The following LRRC61 variants were observed in gnomAD, a reference collection of about 807,000 sequenced individuals.
The protein encoded by LRRC61 is leucine-rich repeat-containing protein 61.
A neutral mutation model predicts 15.1 loss-of-function variants in LRRC61; 9 were observed. The observed-to-expected ratio is 0.60, with a 90% CI of 0.36 to 1.04. The LOEUF is 1.04. Among genes scored for constraint, LRRC61 ranks in the 50% least tolerant of loss-of-function variants. LRRC61 has a pLI of 0.01. For missense variants in LRRC61, 344 were observed against 335.6 expected, an observed-to-expected ratio of 1.03 and a Z score of -0.20; for synonymous variants, 173 against 158.6, an observed-to-expected ratio of 1.09 and a Z score of -0.68.
chr7:150,317,231 G>A, the LRRC61 span, among the ~76,000 whole-genome samples: 3 of 151,958 alleles, frequency 2.0e-5, no homozygotes, highest in South Asian at 6.2e-4. Flanking sequence ...TGTATTTTTA[G>A]TAGAGACAGG....
the LRRC61 span, among the ~76,000 whole-genome samples, chr7:150,315,683 T>C: frequency 6.6e-6 from 1 of 152,182 alleles, no homozygotes; most frequent in African/African-American, 2.4e-5. Flanking sequence ...TTCCCCTCCC[T>C]GGGTCATTGT....
chr7:150,332,853 T>TG (rs979395462), intron 2 of LRRC61: 3 of 153,840 alleles, frequency 2.0e-5, no homozygotes, highest in Admixed American at 6.6e-5. Flanking sequence ...CGGATTTGTC[T>TG]GGGGGAGGGG....
Position 150,333,784 on chromosome 7 carries a change from TTG to T in LRRC61, c.-144-2930_-144-2929del. On this transcript the variant is annotated intron_variant, in intron 2 of 2. Coordinates refer to ENST00000359623, the MANE Select transcript of LRRC61 (RefSeq NM_001142928.2). The surrounding 1 kb of genome is among the most constrained non-coding windows in gnomAD (Gnocchi z 4.3). ...GTGGACGTGCGGGAAGCCATCCTCC[TTG>T]TGTCTGCGGGCAGCCTGATGGTTAG... Among the ~76,000 whole-genome samples the T allele has an allele frequency of 6.6e-6, 1 of 152,308 alleles. No homozygotes were observed. Among genetic ancestry groups the T allele is most frequent in the Non-Finnish European group, 1.5e-5 (1 of 68,028 alleles).
At chr7:150,321,965 A>G (rs1213677361), upstream of LRRC61, among the ~76,000 whole-genome samples, 1 of 152,190 alleles carries the variant, frequency 6.6e-6, no homozygotes, top group African/African-American at 2.4e-5. Context: ...AATATGTCCA[A>G]CTGAGGAGGT....
At position 150,338,033 on chromosome 7, in the gene LRRC61, G is replaced by A. The variant is rs1039415035; in HGVS notation, c.*392G>A. The A allele has an allele frequency of 2.4e-6, 1 of 420,316 alleles. No homozygotes were observed. Among genetic ancestry groups the A allele is most frequent in the Non-Finnish European group, 4.6e-6 (1 of 218,446 alleles). 26.0% of individuals were successfully genotyped at this position (420,316 alleles called of 1,614,324 possible). On this transcript the variant is annotated 3_prime_UTR_variant, in exon 3 of 3. Coordinates refer to ENST00000359623, the MANE Select transcript of LRRC61 (RefSeq NM_001142928.2). ...TGAGTGGCCCAGAGCACTCCTGGAA[G>A]TGGGACTCCCCTGCCTTGCAAATGT...
Position 150,330,867 on chromosome 7 carries a change from A to G in LRRC61, c.-145+4857A>G, listed in dbSNP as rs142223774. The G allele has an allele frequency of 9.6e-4, 1,553 of 1,609,908 alleles. 16 individuals are homozygous for G. The African/African-American group carries it at 0.018, about 18-fold the overall frequency. ...CCAGGGGGAGCCTCTGCAGAGCAGCAGCCACTCTGGGGCCTTCCTGCTGGC... is the reference window on the plus strand; with the variant it reads ...CCAGGGGGAGCCTCTGCAGAGCAGCGGCCACTCTGGGGCCTTCCTGCTGGC... On this transcript the variant is annotated intron_variant, in intron 2 of 2. Coordinates refer to ENST00000359623, the MANE Select transcript of LRRC61 (RefSeq NM_001142928.2). The surrounding 1 kb of genome is among the most constrained non-coding windows in gnomAD (Gnocchi z 4.6).
intron 2 of LRRC61, chr7:150,331,018 C>A: frequency 6.2e-7 from 1 of 1,611,658 alleles, no homozygotes; most frequent in African/African-American, 1.3e-5. Context: ...GAGAATGAGA[C>A]CGTTGGAGCC....
chr7:150,309,880 G>C, the LRRC61 span, among the ~76,000 whole-genome samples: 9 of 152,072 alleles, frequency 5.9e-5, no homozygotes, highest in Non-Finnish European at 1.0e-4. Context: ...GCCGAGCTTC[G>C]GGTAACTTTT....
Position 150,330,614 on chromosome 7 carries a change from G to A in LRRC61, c.-145+4604G>A. ...TCAACAAGCTCTTCTACCGCGAGGAGTTTGTGCTGGCCACCTTGCTGGACC... is the reference window on the plus strand; with the variant it reads ...TCAACAAGCTCTTCTACCGCGAGGAATTTGTGCTGGCCACCTTGCTGGACC... On this transcript the variant is annotated intron_variant, in intron 2 of 2. Coordinates refer to ENST00000359623, the MANE Select transcript of LRRC61 (RefSeq NM_001142928.2). This position sits in a 1 kb window ranked among gnomAD's most constrained non-coding sequence, Gnocchi z 4.6. 1.2e-6 allele frequency: 1 copy of A among 850,560 alleles called. No homozygotes were observed. The highest frequency in any genetic ancestry group is 2.1e-6 in the Non-Finnish European group (1 of 481,892). 52.7% of individuals were successfully genotyped at this position (850,560 alleles called of 1,614,324 possible).
At position 150,330,349 on chromosome 7, in the gene LRRC61, C is replaced by T. The variant is rs555674788; in HGVS notation, c.-145+4339C>T. 1.7e-5 allele frequency: 13 copies of T among 751,116 alleles called. No individual in the cohort carries two copies. The highest frequency in any genetic ancestry group is 2.7e-5 in the Non-Finnish European group (11 of 411,266). The allele number at this position is 751,116 out of a possible 1,614,324, so 46.5% of individuals were successfully genotyped here. A position where few individuals can be genotyped will look rare whatever the true frequency, so the allele number is the denominator to read the frequency against. On this transcript the variant is annotated intron_variant, in intron 2 of 2. Coordinates refer to ENST00000359623, the MANE Select transcript of LRRC61 (RefSeq NM_001142928.2). This position sits in a 1 kb window ranked among gnomAD's most constrained non-coding sequence, Gnocchi z 4.6. Reference sequence around the variant, plus strand: ...CTGGGGAAGGCTGGTGTTGCCTTGTCGGCCACATTCTGGAGCCCGGCAGAC... The same window carrying T: ...CTGGGGAAGGCTGGTGTTGCCTTGTTGGCCACATTCTGGAGCCCGGCAGAC...
chr7:150,329,660 T>C (rs1160289021), intron 2 of LRRC61: 1 of 152,286 alleles, frequency 6.6e-6, no homozygotes, highest in Non-Finnish European at 1.5e-5. Context: ...GGCCTCATGC[T>C]TAATCATTTC....
chr7:150,323,338 C>G (rs553262165), upstream of LRRC61: 11 of 275,886 alleles, frequency 4.0e-5, no homozygotes, highest in Non-Finnish European at 6.4e-5. Flanking sequence ...TGGCCAGGCC[C>G]CCTGGGCGCG....
At position 150,330,415 on chromosome 7, in the gene LRRC61, G is replaced by A. The variant is rs776445212; in HGVS notation, c.-145+4405G>A. 10 of 770,492 alleles carry A rather than the reference G, an allele frequency of 1.3e-5. No homozygotes were observed. The highest frequency in any genetic ancestry group is 1.7e-5 in the Admixed American group (1 of 59,006). The allele number at this position is 770,492 out of a possible 1,614,324, so 47.7% of individuals were successfully genotyped here. On this transcript the variant is annotated intron_variant, in intron 2 of 2. Transcript: ENST00000359623. The surrounding 1 kb of genome is among the most constrained non-coding windows in gnomAD (Gnocchi z 4.6). ...CTGTAGCCCTTCCAGATGGTGGTCC[G>A]CGAGGCGAGTGCGGCACAGGCCTCT...
upstream of LRRC61, among the ~76,000 whole-genome samples, chr7:150,319,506 C>T (rs1330047173): frequency 6.6e-6 from 1 of 152,130 alleles, no homozygotes; most frequent in African/African-American, 2.4e-5. Context: ...CTCGCCTGGC[C>T]CAGAACAAAC....
rs1274299130 is a variant in LRRC61 at position 150,337,008 on chromosome 7, G to A, written c.147G>A (p.Leu49=). 1 of 1,613,872 alleles carries A rather than the reference G, an allele frequency of 6.2e-7. No individual in the cohort carries two copies. Among genetic ancestry groups the A allele is most frequent in the Non-Finnish European group, 8.5e-7 (1 of 1,180,020 alleles). The change falls in exon 3 of 3, where the codon CTG becomes CTA. Residue 49 remains leucine, a synonymous_variant. Coordinates refer to ENST00000359623, the MANE Select transcript of LRRC61 (RefSeq NM_001142928.2). ...TGGGACTGGCTGACCTGGGCTGCCT[G>A]GGAGAGTGCCTGGGCCTGGAGTGGC... ...RGLGLADLGC[L]GECLGLEWLD...
chr7:150,331,338 C>G (rs1235512890), intron 2 of LRRC61: 1 of 518,596 alleles, frequency 1.9e-6, no homozygotes, highest in East Asian at 3.1e-5. Flanking sequence ...CCGGTGCTCA[C>G]CCTGCCCGTG....
chr7:150,333,593 T>G lies in LRRC61; in HGVS notation c.-144-3125T>G, dbSNP rs913765001. Among the ~76,000 whole-genome samples the G allele has an allele frequency of 1.3e-5, 2 of 152,226 alleles. No individual in the cohort carries two copies. The highest frequency in any genetic ancestry group is 4.8e-5 in the African/African-American group (2 of 41,464). ...CAGGCAGAAGACACTCACCAACGCC[T>G]GGGACCATCTTCCCTGGTTCTCAGT... On this transcript the variant is annotated intron_variant, in intron 2 of 2. Coordinates refer to ENST00000359623, the MANE Select transcript of LRRC61 (RefSeq NM_001142928.2). The surrounding 1 kb of genome is among the most constrained non-coding windows in gnomAD (Gnocchi z 4.3).
At chr7:150,326,687 A>G (rs1270656798) in intron 2 of LRRC61, among the ~76,000 whole-genome samples, 1 of 151,852 alleles carries the variant, frequency 6.6e-6, no homozygotes, top group Non-Finnish European at 1.5e-5. Context: ...AGTCTGAAAA[A>G]AAAAAAAAAA....
upstream of LRRC61, chr7:150,322,959 G>C (rs1797706783): frequency 6.6e-6 from 1 of 152,384 alleles, no homozygotes; most frequent in African/African-American, 2.4e-5. Context: ...GGTCGCACTC[G>C]GGCGGTCAGC....
Sources: gnomAD v4.1 joint callset for allele counts (sites outside exome capture counted in the v4.1 genomes callset) on GRCh38, gnomAD v4.1.1 for gene constraint, Gnocchi (gnomAD v3.1) non-coding constraint, MANE v1.5 for transcripts, NCBI Gene and HGNC (gene_info 2026-07-23, HGNC 2026-07-21) for gene names.